GRIK3: variants seen among roughly 807,000 people sequenced by gnomAD.
The protein encoded by GRIK3 is glutamate ionotropic receptor kainate type subunit 3, also known as glutamate receptor ionotropic, kainate 3.
GRIK3 carries 29 observed loss-of-function variants against 102.5 expected under a neutral mutation model. The observed-to-expected ratio is 0.28, with a 90% CI of 0.21 to 0.39. The LOEUF (loss-of-function observed/expected upper bound fraction) is 0.39, where lower values mean the gene tolerates loss of function less well. Among genes scored for constraint, GRIK3 ranks in the 10% least tolerant of loss-of-function variants. The pLI is 1.00. For synonymous variants in GRIK3, 511 were observed against 504.9 expected (o/e 1.01, Z -0.16); for missense variants, 908 against 1,252.4 (o/e 0.73, Z 4.15).
At chr1:36,928,382 G>A (rs1168527849) in intron 1 of GRIK3, among the ~76,000 whole-genome samples, 2 of 152,094 alleles carry the variant, frequency 1.3e-5, no homozygotes, top group African/African-American at 2.4e-5. Flanking sequence ...ACCTTTCATC[G>A]TGGCTGCCCA....
chr1:36,895,364 T>C (rs1465840124), intron 1 of GRIK3, among the ~76,000 whole-genome samples: 1 of 151,870 alleles, frequency 6.6e-6, no homozygotes, highest in Admixed American at 6.6e-5. Flanking sequence ...ATGATTAATA[T>C]GCTAAGGGCT....
intron 5 of GRIK3, among the ~76,000 whole-genome samples, chr1:36,862,372 A>T (rs1288843348): frequency 6.7e-6 from 1 of 148,200 alleles, no homozygotes; most frequent in Non-Finnish European, 1.5e-5. Flanking sequence ...CTTACTCCAA[A>T]CCCTCTATGT....
rs1283301125 is a variant in GRIK3, at chr1:36,810,834, C to T, written c.2092-4508G>A. Reference sequence around the variant, plus strand: ...CTCTTTGGAGTCCATGGCCTCTGCCCACTGCTACAGGCTCCCTGGTAAGGA... The same window carrying T: ...CTCTTTGGAGTCCATGGCCTCTGCCTACTGCTACAGGCTCCCTGGTAAGGA... On this transcript the variant is annotated intron_variant, in intron 13 of 15. Coordinates refer to ENST00000373091, the MANE Select transcript of GRIK3 (RefSeq NM_000831.4). 2.6e-5 allele frequency among the ~76,000 whole-genome samples: 4 copies of T among 152,216 alleles called. No homozygotes were observed. The South Asian group carries it at 6.2e-4, about 24-fold the overall frequency.
intron 1 of GRIK3, among the ~76,000 whole-genome samples, chr1:36,979,892 AAG>A (rs1642232364): frequency 1.3e-5 from 2 of 152,190 alleles, no homozygotes; most frequent in Admixed American, 6.5e-5. Context: ...TTTGCAAGAG[AAG>A]AGAGAAAGAA....
At chr1:36,923,164 T>A (rs1641492234) in intron 1 of GRIK3, among the ~76,000 whole-genome samples, 2 of 152,350 alleles carry the variant, frequency 1.3e-5, no homozygotes, top group African/African-American at 4.8e-5. Context: ...TCTGGTTAAA[T>A]TAACTGATTA....
chr1:37,016,996 C>T (rs1157278482), intron 1 of GRIK3, among the ~76,000 whole-genome samples: 1 of 152,050 alleles, frequency 6.6e-6, no homozygotes, highest in Non-Finnish European at 1.5e-5. Flanking sequence ...AGGTGGATCA[C>T]CTGAGGTCAG....
chr1:36,834,647 G>A (rs1015980790), intron 10 of GRIK3, among the ~76,000 whole-genome samples: 22 of 152,166 alleles, frequency 1.4e-4, no homozygotes, highest in Admixed American at 1.2e-3. Context: ...ACCAGCCTGT[G>A]CCTATTTCTT....
chr1:36,886,517 G>C (rs143238143), intron 2 of GRIK3, among the ~76,000 whole-genome samples: 1 of 152,284 alleles, frequency 6.6e-6, no homozygotes, highest in Non-Finnish European at 1.5e-5. Context: ...GTACCCAAAG[G>C]GGAGTGTGAT....
intron 3 of GRIK3, among the ~76,000 whole-genome samples, chr1:36,879,318 A>C (rs996820750): frequency 1.3e-5 from 2 of 152,140 alleles, no homozygotes; most frequent in Non-Finnish European, 2.9e-5. Flanking sequence ...ACGTAGCCAG[A>C]ACTTGGCTCT....
chr1:36,960,568 C>T (rs1374732083), intron 1 of GRIK3, among the ~76,000 whole-genome samples: 1 of 152,178 alleles, frequency 6.6e-6, no homozygotes, highest in Non-Finnish European at 1.5e-5. Flanking sequence ...CGCCTCTAGG[C>T]ACGGGGTCCA....
chr1:37,002,357 C>A (rs1005011762), intron 1 of GRIK3, among the ~76,000 whole-genome samples: 3 of 152,260 alleles, frequency 2.0e-5, no homozygotes, highest in Middle Eastern at 3.4e-3. Flanking sequence ...CTGAGTCAGA[C>A]CTTGCTGGGG....
intron 7 of GRIK3, among the ~76,000 whole-genome samples, chr1:36,856,533 C>T (rs1170367484): frequency 6.6e-6 from 1 of 152,146 alleles, no homozygotes; most frequent in Non-Finnish European, 1.5e-5. Context: ...GGGAGACGGG[C>T]AAGTTGGAAA....
intron 7 of GRIK3, among the ~76,000 whole-genome samples, chr1:36,857,496 A>T (rs1557704436): frequency 6.6e-6 from 1 of 152,162 alleles, no homozygotes; most frequent in Non-Finnish European, 1.5e-5. Context: ...GGGTGAAGGA[A>T]CTACAAGGGA....
chr1:36,971,990 G>T (rs963789394), intron 1 of GRIK3, among the ~76,000 whole-genome samples: 3 of 152,158 alleles, frequency 2.0e-5, no homozygotes, highest in African/African-American at 7.2e-5. Context: ...ACCATCTGTT[G>T]TTAGAAATCC....
At chr1:37,030,535 A>ACC (rs1312336665) in intron 1 of GRIK3, among the ~76,000 whole-genome samples, 3 of 69,908 alleles carry the variant, frequency 4.3e-5, no homozygotes, top group African/African-American at 1.6e-4. Context: ...CCTTTTCCCC[A>ACC]CCCCCCACCC....
intron 1 of GRIK3, among the ~76,000 whole-genome samples, chr1:36,919,776 C>T (rs981170304): frequency 2.6e-5 from 4 of 152,244 alleles, no homozygotes; most frequent in Non-Finnish European, 5.9e-5. Flanking sequence ...GTGAGCCCTG[C>T]AGTGGAGGAC....
rs1033884233 is a variant in GRIK3 at position 36,819,291 on chromosome 1, A to G, written c.1873+445T>C. 2.6e-5 allele frequency among the ~76,000 whole-genome samples: 4 copies of G among 152,118 alleles called. No homozygotes were observed. The South Asian group carries it at 8.3e-4, about 31-fold the overall frequency. ...TCTGCCTTCCACTCCCAGGGCCACC[A>G]CGAGGTTCAGGTCTCATCACCTCAT... On this transcript the variant is annotated intron_variant, in intron 12 of 15. Coordinates refer to ENST00000373091, the MANE Select transcript of GRIK3 (RefSeq NM_000831.4). This position sits in a 1 kb window ranked among gnomAD's most constrained non-coding sequence, Gnocchi z 4.1.
intron 4 of GRIK3, among the ~76,000 whole-genome samples, chr1:36,870,685 GT>G (rs1408658962): frequency 5.9e-5 from 9 of 152,238 alleles, no homozygotes; most frequent in African/African-American, 2.2e-4. Context: ...AATTCCAGAA[GT>G]TTTAAAATCA....
chr1:37,032,501 A>G (rs3767108), intron 1 of GRIK3, among the ~76,000 whole-genome samples: 48,117 of 118,584 alleles, frequency 0.41, 8,143 homozygotes, highest in East Asian at 0.55. Context: ...GGGGAAGGGG[A>G]GGCTTCCTGC....
Sources: allele counts gnomAD v4.1 joint callset (sites outside exome capture counted in the v4.1 genomes callset), GRCh38; gene constraint gnomAD v4.1.1; non-coding constraint Gnocchi (gnomAD v3.1); transcripts MANE v1.5; gene names NCBI Gene and HGNC (gene_info 2026-07-23, HGNC 2026-07-21).